BABAM2: variants seen among roughly 807,000 people sequenced by gnomAD.
BABAM2 encodes the protein BRISC and BRCA1 A complex member 2.
In BABAM2, 31 loss-of-function variants were observed where a neutral mutation model predicts 54.7. The observed-to-expected ratio is 0.57, with a 90% CI of 0.43 to 0.77. The LOEUF (loss-of-function observed/expected upper bound fraction) is 0.77. Ranked by LOEUF, BABAM2 falls within the 30% of genes least tolerant of loss-of-function variation. BABAM2 has a pLI of 0.00. For missense variants in BABAM2, 364 were observed against 455.8 expected, an observed-to-expected ratio of 0.80 and a Z score of 1.83; for synonymous variants, 167 against 162.9, an observed-to-expected ratio of 1.03 and a Z score of -0.19.
intron 11 of BABAM2, among the ~76,000 whole-genome samples, chr2:28,316,122 A>G (rs1689532186): frequency 6.6e-6 from 1 of 152,224 alleles, no homozygotes; most frequent in Admixed American, 6.5e-5. Context: ...TGCCCCATGC[A>G]GTATTGAGGA....
chr2:28,022,344 T>A (rs749853822), intron 4 of BABAM2, among the ~76,000 whole-genome samples: 7 of 152,184 alleles, frequency 4.6e-5, no homozygotes, highest in Non-Finnish European at 1.0e-4. Context: ...GTAGGCAGAT[T>A]TACATTCTAC....
chr2:28,189,492 G>T (rs983682908), intron 7 of BABAM2, among the ~76,000 whole-genome samples: 1 of 152,140 alleles, frequency 6.6e-6, no homozygotes, highest in Non-Finnish European at 1.5e-5. Flanking sequence ...TAGTTGCACA[G>T]AAAATATTTG....
chr2:27,973,634 GGAGGCA>G (rs1671382071), intron 3 of BABAM2, among the ~76,000 whole-genome samples: 1 of 152,108 alleles, frequency 6.6e-6, no homozygotes, highest in African/African-American at 2.4e-5. Flanking sequence ...GGTGCCACTG[GGAGGCA>G]GAGTACGGGG....
chr2:28,054,348 C>T (rs1409148095), intron 6 of BABAM2, among the ~76,000 whole-genome samples: 1 of 152,110 alleles, frequency 6.6e-6, no homozygotes, highest in East Asian at 1.9e-4. Flanking sequence ...CATCTTCTCT[C>T]TTATTTTAAA....
intron 11 of BABAM2, chr2:28,309,828 CTCGGGTGA>C: frequency 2.2e-6 from 1 of 457,794 alleles, no homozygotes; most frequent in Non-Finnish European, 4.0e-6. Context: ...GCCAACATAG[CTCGGGTGA>C]TCAGAGCCCC....
chr2:28,276,416 G>A (rs1685885111), intron 10 of BABAM2, among the ~76,000 whole-genome samples: 1 of 152,132 alleles, frequency 6.6e-6, no homozygotes, highest in Non-Finnish European at 1.5e-5. Flanking sequence ...TAGTTAAGTA[G>A]TGAGGAAATT....
intron 7 of BABAM2, among the ~76,000 whole-genome samples, chr2:28,169,110 A>C (rs886701980): frequency 6.6e-6 from 1 of 152,216 alleles, no homozygotes; most frequent in Admixed American, 6.5e-5. Flanking sequence ...AAACTCCAGT[A>C]AGGATTGTGG....
In BABAM2 at chr2:28,298,315, TTTTC is replaced by T. The variant is rs768953001; in HGVS notation, c.935-16_935-13del. On this transcript the variant is annotated intron_variant, in intron 10 of 11. Coordinates refer to ENST00000379624, the MANE Select transcript of BABAM2 (RefSeq NM_199191.3). ...AGATGTGTTTATGCTCTAACTTTCTTTTTCTTTCTTCTGTCTTTGCAGTTGACCT... is the reference window on the plus strand; with the variant it reads ...AGATGTGTTTATGCTCTAACTTTCTTTTTCTTCTGTCTTTGCAGTTGACCT... The T allele has an allele frequency of 8.4e-5, 135 of 1,607,840 alleles. No individual in the cohort carries two copies. Among genetic ancestry groups the T allele is most frequent in the Non-Finnish European group, 1.1e-4 (129 of 1,177,864 alleles).
At chr2:28,272,862 T>C (rs1049875196) in intron 10 of BABAM2, among the ~76,000 whole-genome samples, 3 of 152,056 alleles carry the variant, frequency 2.0e-5, no homozygotes, top group Non-Finnish European at 2.9e-5. Flanking sequence ...AGAGAGGCCA[T>C]TGAACTGGGG....
chr2:28,065,872 A>G (rs979115421), intron 6 of BABAM2, among the ~76,000 whole-genome samples: 4 of 150,990 alleles, frequency 2.6e-5, no homozygotes, highest in African/African-American at 4.9e-5. Context: ...TGGGTGCGGT[A>G]GCTCATGCCT....
chr2:28,338,438 C>A lies in BABAM2; in HGVS notation c.1089-12C>A. The A allele has an allele frequency of 1.9e-6, 3 of 1,613,028 alleles. No homozygotes were observed. The highest frequency in any genetic ancestry group is 2.5e-6 in the Non-Finnish European group (3 of 1,179,320). ...TAACCACAATTTTTTTTCTCCCCTT[C>A]TTTCCCACCAGGGCTTATTTCAAAA... is the stretch of plus-strand genomic sequence containing the variant. On this transcript the variant is annotated splice_polypyrimidine_tract_variant and intron_variant, in intron 11 of 11. Transcript: ENST00000379624.
chr2:28,133,701 A>G (rs572481384), intron 7 of BABAM2, among the ~76,000 whole-genome samples: 14 of 151,958 alleles, frequency 9.2e-5, no homozygotes, highest in African/African-American at 3.4e-4. Flanking sequence ...CACGTTAACT[A>G]CTCCCAGCAA....
chr2:28,031,887 A>G (rs544602657), intron 5 of BABAM2, among the ~76,000 whole-genome samples: 11 of 152,316 alleles, frequency 7.2e-5, no homozygotes, highest in African/African-American at 2.4e-4. Flanking sequence ...AATTGTAAGC[A>G]TATATTCAAC....
At chr2:28,320,800 C>G (rs1689965355) in intron 11 of BABAM2, among the ~76,000 whole-genome samples, 1 of 152,250 alleles carries the variant, frequency 6.6e-6, no homozygotes, top group Non-Finnish European at 1.5e-5. Flanking sequence ...CCAAGTCCCG[C>G]TCTGCCTTTA....
At chr2:28,208,576 C>T (rs572622724) in intron 7 of BABAM2, among the ~76,000 whole-genome samples, 10 of 151,800 alleles carry the variant, frequency 6.6e-5, no homozygotes, top group Admixed American at 5.9e-4. Flanking sequence ...TTTTTCCTTT[C>T]TTCCTTCCCT....
intron 6 of BABAM2, among the ~76,000 whole-genome samples, chr2:28,049,417 C>G (rs1393018210): frequency 1.3e-5 from 2 of 152,130 alleles, no homozygotes; most frequent in Non-Finnish European, 2.9e-5. Context: ...TATCTCTAAA[C>G]TAGAAATCAG....
chr2:28,245,909 T>G (rs1682872817), intron 10 of BABAM2, among the ~76,000 whole-genome samples: 1 of 152,218 alleles, frequency 6.6e-6, no homozygotes, highest in South Asian at 2.1e-4. Flanking sequence ...AAATAGTTCT[T>G]AAGTTCATTT....
At chr2:28,038,082 C>G (rs1255826332) in intron 5 of BABAM2, among the ~76,000 whole-genome samples, 3 of 152,000 alleles carry the variant, frequency 2.0e-5, no homozygotes, top group Non-Finnish European at 2.9e-5. Context: ...GGGATAAATG[C>G]AAGGAAAAAC....
At chr2:27,906,502 G>T (rs1666199494) in intron 2 of BABAM2, among the ~76,000 whole-genome samples, 3 of 152,134 alleles carry the variant, frequency 2.0e-5, no homozygotes, top group African/African-American at 7.2e-5. Flanking sequence ...TTTGTATTTT[G>T]TGCTTAAGAT....
Sources: gnomAD v4.1 joint callset for allele counts (sites outside exome capture counted in the v4.1 genomes callset) on GRCh38, gnomAD v4.1.1 for gene constraint, MANE v1.5 for transcripts, NCBI Gene and HGNC (gene_info 2026-07-23, HGNC 2026-07-21) for gene names.